AMER1: variants seen among roughly 807,000 people sequenced by gnomAD.
AMER1 encodes the protein APC membrane recruitment protein 1.
In AMER1, 16 loss-of-function variants were observed where a neutral mutation model predicts 53.0. That is an observed-to-expected ratio of 0.30 (90% CI 0.20 to 0.46). The LOEUF (loss-of-function observed/expected upper bound fraction) is 0.46, where lower values mean the gene tolerates loss of function less well. Among genes scored for constraint, AMER1 ranks in the 20% least tolerant of loss-of-function variants. The pLI, the probability that AMER1 is intolerant of heterozygous loss-of-function variation, is 1.00. For missense variants in AMER1, 947 were observed against 884.9 expected (o/e 1.07, Z -0.89); for synonymous variants, 354 against 331.9 (o/e 1.07, Z -0.73).
At position 64,192,903 on chromosome X, in the gene AMER1, G is replaced by C. The variant is rs758143078; in HGVS notation, c.384C>G (p.Pro128=). The C allele has an allele frequency of 4.0e-5, 48 of 1,210,412 alleles. 2 individuals are homozygous for C. The South Asian group carries it at 8.1e-4, about 20-fold the overall frequency. Reference sequence around the variant, plus strand: ...AAGCCCCATGGGCACTCTGAGAGCTGGGAAATTGGCAGGGTAACTCAGGCA... The same window carrying C: ...AAGCCCCATGGGCACTCTGAGAGCTCGGAAATTGGCAGGGTAACTCAGGCA... The part of the protein sequence containing the change: ...LPLPELPCQF[P]SSQSAHGALE... Residue 128 remains proline (P), a synonymous_variant, in exon 2 of 2, where the codon CCC becomes CCG. Coordinates refer to ENST00000374869, the MANE Select transcript of AMER1 (RefSeq NM_152424.4).
intron 1 of AMER1, among the ~76,000 whole-genome samples, chrX:64,198,101 T>C (rs1382108539): frequency 1.8e-5 from 2 of 111,523 alleles, no homozygotes; most frequent in Non-Finnish European, 3.8e-5. Flanking sequence ...AAATGGTAAA[T>C]GAAGATAACT....
At position 64,189,793 on chromosome X, in the gene AMER1, A is replaced by ACGGGGGCCC; in HGVS notation, c.*85_*86insGGGCCCCCG. 2 of 292,067 alleles carry ACGGGGGCCC rather than the reference A, an allele frequency of 6.8e-6. No homozygotes were observed. Among genetic ancestry groups the ACGGGGGCCC allele is most frequent in the Non-Finnish European group, 9.8e-6 (2 of 204,825 alleles). 24.1% of individuals were successfully genotyped at this position (292,067 alleles called of 1,213,427 possible). ...CAAAGGGTTTTCAAGTTAAACAACA[A>ACGGGGGCCC]CCCCCACCCCCCCACCCTTCTGCCC... On this transcript the variant is annotated 3_prime_UTR_variant, in exon 2 of 2. Transcript: ENST00000374869.
intron 1 of AMER1, among the ~76,000 whole-genome samples, chrX:64,201,252 T>A (rs985075279): frequency 9.0e-6 from 1 of 111,088 alleles, no homozygotes. Context: ...TTCCCCTGCC[T>A]GCCTTTGCTA....
rs1035267103 is a variant in AMER1 at position 64,188,108 on chromosome X, C to G, written c.*1771G>C. On this transcript the variant is annotated 3_prime_UTR_variant, in exon 2 of 2. Coordinates refer to ENST00000374869, the MANE Select transcript of AMER1 (RefSeq NM_152424.4). The stretch of plus-strand genomic sequence containing the variant: ...CCCTGGCCAAGAAACAGTTTGCCCA[C>G]AAAGTCACCTTGACTTAGGGGGCAA... 3 of 791,888 alleles carry G rather than the reference C, an allele frequency of 3.8e-6. No homozygotes were observed. Among genetic ancestry groups the G allele is most frequent in the Non-Finnish European group, 4.5e-6 (3 of 663,073 alleles). The allele number at this position is 791,888 out of a possible 1,213,427, so 65.3% of individuals were successfully genotyped here.
Position 64,191,022 on chromosome X carries a change from C to G in AMER1, c.2265G>C (p.Glu755Asp), listed in dbSNP as rs776663048. 8.3e-7 allele frequency: 1 copy of G among 1,212,008 alleles called. No individual in the cohort carries two copies. The highest frequency in any genetic ancestry group is 1.8e-5 in the South Asian group (1 of 56,990). The change falls in exon 2 of 2, where the codon GAG becomes GAC. Residue 755 changes from glutamate (E) to aspartate (D), a missense_variant. Coordinates refer to ENST00000374869, the MANE Select transcript of AMER1 (RefSeq NM_152424.4). Reference sequence around the variant, plus strand: ...TCCCTTCCTTCTCAACCTCCTCTTCCTCTGGATCTTCAGGGGGTGAATAAG... The same window carrying G: ...TCCCTTCCTTCTCAACCTCCTCTTCGTCTGGATCTTCAGGGGGTGAATAAG... ...YPTYSPPEDP[E>D]EEEVEKEGNA...
In AMER1 at chrX:64,191,995, G is replaced by A. The variant is rs755403379; in HGVS notation, c.1292C>T (p.Pro431Leu). 4.1e-6 allele frequency: 5 copies of A among 1,212,179 alleles called. No homozygotes were observed. Residue 431 changes from proline (P) to leucine (L), a missense_variant, in exon 2 of 2, where the codon CCA becomes CTA. By Grantham distance (98) the Pro-to-Leu change is moderately conservative (BLOSUM62 -3). Coordinates refer to ENST00000374869, the MANE Select transcript of AMER1 (RefSeq NM_152424.4). ...MNLGYHPTTS[P>L]GHHGYMLLDP... ...AAGGAGCATGTAGCCGTGGTGGCCT[G>A]GGGATGTGGTGGGATGGTAGCCCAG...
intron 1 of AMER1, among the ~76,000 whole-genome samples, chrX:64,203,065 C>T (rs1930522265): frequency 8.9e-6 from 1 of 111,910 alleles, no homozygotes; most frequent in Non-Finnish European, 1.9e-5. Flanking sequence ...AACCCCTCTA[C>T]TTTCTGGCAG....
intron 1 of AMER1, among the ~76,000 whole-genome samples, chrX:64,203,251 A>T (rs1160997154): frequency 9.0e-6 from 1 of 111,631 alleles, no homozygotes; most frequent in Non-Finnish European, 1.9e-5. Context: ...AGTTGCAATC[A>T]TCCCCCTTCT....
At position 64,190,972 on chromosome X, in the gene AMER1, G is replaced by A. The variant is rs1466483272; in HGVS notation, c.2315C>T (p.Ala772Val). 2 of 1,209,705 alleles carry A rather than the reference G, an allele frequency of 1.7e-6. No individual in the cohort carries two copies. Among genetic ancestry groups the A allele is most frequent in the Non-Finnish European group, 2.2e-6 (2 of 895,080 alleles). The change falls in exon 2 of 2, where the codon GCC (alanine) becomes GTC (valine). Residue 772 changes from alanine (A) to valine (V), a missense_variant. Ala to Val is a moderately conservative substitution (Grantham distance 64). Transcript: ENST00000374869. Reference sequence around the variant, plus strand: ...CCCATTGCTGGTGAACTCTACCAGGGCCTGTGAGAAACTCACAGTGGCATT... The same window carrying A: ...CCCATTGCTGGTGAACTCTACCAGGACCTGTGAGAAACTCACAGTGGCATT... ...EGNATVSFSQ[A>V]LVEFTSNGNL...
rs1930174233 is a variant in AMER1, at chrX:64,189,290, T to G, written c.*589A>C. ...AAAAGGAATAGGGGTGGGGAGGATCTGTACCATAATTTCACATTGCTAATA... is the reference window on the plus strand; with the variant it reads ...AAAAGGAATAGGGGTGGGGAGGATCGGTACCATAATTTCACATTGCTAATA... On this transcript the variant is annotated 3_prime_UTR_variant, in exon 2 of 2. Transcript: ENST00000374869. 1.3e-6 allele frequency: 1 copy of G among 791,911 alleles called. No individual in the cohort carries two copies. Among genetic ancestry groups the G allele is most frequent in the East Asian group, 7.7e-5 (1 of 12,952 alleles). The allele number at this position is 791,911 out of a possible 1,213,427, so 65.3% of individuals were successfully genotyped here. A position where few individuals can be genotyped will look rare whatever the true frequency, so the allele number is the denominator to read the frequency against.
chrX:64,189,280 G>A lies in AMER1; in HGVS notation c.*599C>T, dbSNP rs1930173813. 3 of 793,170 alleles carry A rather than the reference G, an allele frequency of 3.8e-6. No individual in the cohort carries two copies. In the South Asian group the frequency reaches 2.0e-4, roughly 53 times the overall value. 65.4% of individuals were successfully genotyped at this position (793,170 alleles called of 1,213,427 possible). A position where few individuals can be genotyped will look rare whatever the true frequency, so the allele number is the denominator to read the frequency against. ...ATGCCAGGCCAAAAGGAATAGGGGT[G>A]GGGAGGATCTGTACCATAATTTCAC... On this transcript the variant is annotated 3_prime_UTR_variant, in exon 2 of 2. Coordinates refer to ENST00000374869, the MANE Select transcript of AMER1 (RefSeq NM_152424.4).
chrX:64,189,345 G>C lies in AMER1; in HGVS notation c.*534C>G. ...ATAAGCCCCACTTCCCCAAGCGGGAGGCAATGCAGACTTGGCTGCTAATCA... is the reference window on the plus strand; with the variant it reads ...ATAAGCCCCACTTCCCCAAGCGGGACGCAATGCAGACTTGGCTGCTAATCA... On this transcript the variant is annotated 3_prime_UTR_variant, in exon 2 of 2. Coordinates refer to ENST00000374869, the MANE Select transcript of AMER1 (RefSeq NM_152424.4). 1.3e-6 allele frequency: 1 copy of C among 786,155 alleles called. No homozygotes were observed. Among genetic ancestry groups the C allele is most frequent in the Non-Finnish European group, 1.5e-6 (1 of 659,138 alleles). The allele number at this position is 786,155 out of a possible 1,213,427, so 64.8% of individuals were successfully genotyped here.
At chrX:64,201,013 G>A (rs919324047) in intron 1 of AMER1, among the ~76,000 whole-genome samples, 3 of 111,043 alleles carry the variant, frequency 2.7e-5, no homozygotes, top group South Asian at 3.8e-4. Context: ...AAGCCCAGCG[G>A]GGGTAAAAAC....
rs780747344 is a variant in AMER1, at chrX:64,186,196, G to T, written c.*3683C>A. 8.3e-7 allele frequency: 1 copy of T among 1,209,000 alleles called. No homozygotes were observed. Among genetic ancestry groups the T allele is most frequent in the Non-Finnish European group, 1.1e-6 (1 of 893,865 alleles). On this transcript the variant is annotated 3_prime_UTR_variant, in exon 2 of 2. Transcript: ENST00000374869. ...TCTTCTGCTGTCCCTATCATGGGGG[G>T]AGGGAACGGACAGTGTGGTACAGCT...
chrX:64,198,356 C>T (rs1250748474), intron 1 of AMER1, among the ~76,000 whole-genome samples: 1 of 111,692 alleles, frequency 9.0e-6, no homozygotes. Context: ...CATACCCCCC[C>T]ATTTGCCCTC....
In AMER1 at chrX:64,187,955, G is replaced by C. The variant is rs1303291514; in HGVS notation, c.*1924C>G. The C allele has an allele frequency of 2.6e-6, 2 of 778,861 alleles. No individual in the cohort carries two copies. The highest frequency in any genetic ancestry group is 3.1e-6 in the Non-Finnish European group (2 of 654,659). The allele number at this position is 778,861 out of a possible 1,213,427, so 64.2% of individuals were successfully genotyped here. ...CTGGGTCCCTTGAGTGGTGGTGTTAGTGCCATGCAAATTCATGTGGTGCTT... is the reference window on the plus strand; with the variant it reads ...CTGGGTCCCTTGAGTGGTGGTGTTACTGCCATGCAAATTCATGTGGTGCTT... On this transcript the variant is annotated 3_prime_UTR_variant, in exon 2 of 2. Transcript: ENST00000374869.
Position 64,187,397 on chromosome X carries a change from C to G in AMER1, c.*2482G>C, listed in dbSNP as rs1930131336. 7 of 794,274 alleles carry G rather than the reference C, an allele frequency of 8.8e-6. No homozygotes were observed. Among genetic ancestry groups the G allele is most frequent in the Non-Finnish European group, 1.1e-5 (7 of 663,354 alleles). The allele number at this position is 794,274 out of a possible 1,213,427, so 65.5% of individuals were successfully genotyped here. On this transcript the variant is annotated 3_prime_UTR_variant, in exon 2 of 2. Coordinates refer to ENST00000374869, the MANE Select transcript of AMER1 (RefSeq NM_152424.4). Reference sequence around the variant, plus strand: ...CCAAACCATGAACTCTCACTCAGCCCCAGGCCCTACTCTGTGGTGTGTGAC... The same window carrying G: ...CCAAACCATGAACTCTCACTCAGCCGCAGGCCCTACTCTGTGGTGTGTGAC...
In AMER1 at chrX:64,192,444, T is replaced by C. The variant is rs1930270727; in HGVS notation, c.843A>G (p.Leu281=). ...CTGTTTCTGGGCTATGGGGCTCCTC[T>C]AGGCTACTGGCTTCAGGGGCAGGCT... ...QPKPAPEASS[L]EEPHSPETGE... Residue 281 remains leucine (L), a synonymous_variant, in exon 2 of 2, where the codon CTA becomes CTG. Coordinates refer to ENST00000374869, the MANE Select transcript of AMER1 (RefSeq NM_152424.4). The C allele has an allele frequency of 8.3e-7, 1 of 1,207,011 alleles. No individual in the cohort carries two copies. The highest frequency in any genetic ancestry group is 1.1e-6 in the Non-Finnish European group (1 of 893,342).
chrX:64,192,382 T>C lies in AMER1; in HGVS notation c.905A>G (p.Asn302Ser), dbSNP rs1235049855. ...KVVAGEVNPP[N>S]GPVGDPLSLL... ...GCTCAGTGGGTCCCCCACAGGGCCA[T>C]TGGGTGGGTTTACCTCTCCTGCTAC... Residue 302 changes from asparagine to serine, a missense_variant, in exon 2 of 2, where the codon AAT (asparagine) becomes AGT (serine). Asn to Ser is a conservative substitution (Grantham distance 46). Transcript: ENST00000374869. 6.6e-6 allele frequency: 8 copies of C among 1,211,042 alleles called. No homozygotes were observed. Among genetic ancestry groups the C allele is most frequent in the Admixed American group, 4.4e-5 (2 of 45,975 alleles).
Sources: gnomAD v4.1 joint callset for allele counts (sites outside exome capture counted in the v4.1 genomes callset) on GRCh38, gnomAD v4.1.1 for gene constraint, MANE v1.5 for transcripts, NCBI Gene and HGNC (gene_info 2026-07-23, HGNC 2026-07-21) for gene names.